WWOX: variants seen among roughly 807,000 people sequenced by gnomAD.
The protein encoded by WWOX is WW domain-containing oxidoreductase.
In WWOX, 69 loss-of-function variants were observed where a neutral mutation model predicts 46.2. That is an observed-to-expected ratio of 1.49 (90% CI 1.23 to 1.82). The LOEUF (loss-of-function observed/expected upper bound fraction) is 1.82, where lower values mean the gene tolerates loss of function less well. Among genes scored for constraint, WWOX ranks in the 40% most tolerant of loss-of-function variants. The probability of loss-of-function intolerance (pLI) is 0.00; values close to 1 mark genes in which losing one functional copy is unlikely to be tolerated. For missense variants in WWOX, 919 were observed against 542.6 expected (o/e 1.69, Z -6.89); for synonymous variants, 359 against 202.6 (o/e 1.77, Z -6.56).
chr16:78,633,834 C>A (rs1289051128), intron 8 of WWOX, among the ~76,000 whole-genome samples: 1 of 151,954 alleles, frequency 6.6e-6, no homozygotes, highest in Non-Finnish European at 1.5e-5. Context: ...GGATTGGGAC[C>A]TGTTTTCCTT....
At chr16:78,878,415 C>T (rs976102443) in intron 8 of WWOX, among the ~76,000 whole-genome samples, 2 of 152,140 alleles carry the variant, frequency 1.3e-5, no homozygotes, top group Non-Finnish European at 2.9e-5. Context: ...CTCTCTAAGC[C>T]TCAGTTTATT....
chr16:78,217,271 G>A lies in WWOX; in HGVS notation c.516+52982G>A, dbSNP rs937810059. On this transcript the variant is annotated intron_variant, in intron 5 of 8. Transcript: ENST00000566780. ...TTCTCCTGCCTGCCTTGCAGGATAT[G>A]TGGAGTTATCAGTTCCTAGCACCAC... Among the ~76,000 whole-genome samples, 9 of 152,326 alleles carry A rather than the reference G, an allele frequency of 5.9e-5. 1 individual carries two copies. The highest frequency in any genetic ancestry group is 5.9e-4 in the Admixed American group (9 of 15,306).
At position 78,705,965 on chromosome 16, in the gene WWOX, C is replaced by T. The variant is rs1344958882; in HGVS notation, c.1056+273213C>T. On this transcript the variant is annotated intron_variant, in intron 8 of 8. Coordinates refer to ENST00000566780, the MANE Select transcript of WWOX (RefSeq NM_016373.4). Reference sequence around the variant, plus strand: ...TTGAGTGTGGAACGTGGTTTAGATGCTGTGCGTACAGCAGTGACTCAGATA... The same window carrying T: ...TTGAGTGTGGAACGTGGTTTAGATGTTGTGCGTACAGCAGTGACTCAGATA... Among the ~76,000 whole-genome samples, 6 of 151,260 alleles carry T rather than the reference C, an allele frequency of 4.0e-5. No homozygotes were observed. In the East Asian group the frequency reaches 1.2e-3, roughly 29 times the overall value.
At chr16:78,269,914 G>GTTTTGTTT (rs2079440381) in intron 5 of WWOX, among the ~76,000 whole-genome samples, 3 of 125,692 alleles carry the variant, frequency 2.4e-5, no homozygotes, top group African/African-American at 6.3e-5. Context: ...ACATAAGGAA[G>GTTTTGTTT]TTTTTTTTTT....
At chr16:78,751,771 AAGG>A (rs1239905905) in intron 8 of WWOX, among the ~76,000 whole-genome samples, 2 of 151,474 alleles carry the variant, frequency 1.3e-5, no homozygotes, top group Non-Finnish European at 1.5e-5. Context: ...GGAAGGGAAG[AAGG>A]AGGGAGGGAG....
chr16:78,948,930 T>G (rs897937194), intron 8 of WWOX, among the ~76,000 whole-genome samples: 1 of 151,870 alleles, frequency 6.6e-6, no homozygotes, highest in East Asian at 1.9e-4. Flanking sequence ...TGGCAGAGGG[T>G]AGGCAGAGAG....
intron 8 of WWOX, among the ~76,000 whole-genome samples, chr16:78,736,862 G>A (rs895336832): frequency 6.6e-6 from 1 of 152,106 alleles, no homozygotes; most frequent in African/African-American, 2.4e-5. Flanking sequence ...CCCTGCCTCA[G>A]AATCCCAAAG....
In WWOX at chr16:79,011,900, C is replaced by T. The variant is rs150667256; in HGVS notation, c.1057-199708C>T. Among the ~76,000 whole-genome samples, 264 of 152,142 alleles carry T rather than the reference C, an allele frequency of 1.7e-3. 7 individuals are homozygous for T. The East Asian group carries it at 0.042, about 24-fold the overall frequency. ...AACTCATGGCCTCCAGTGATCCTCC[C>T]GCCTCAGCCTCCTGAGTCACTGGAA... On this transcript the variant is annotated intron_variant, in intron 8 of 8. Coordinates refer to ENST00000566780, the MANE Select transcript of WWOX (RefSeq NM_016373.4).
At chr16:78,961,389 T>C (rs1223320863) in intron 8 of WWOX, among the ~76,000 whole-genome samples, 1 of 152,204 alleles carries the variant, frequency 6.6e-6, no homozygotes, top group East Asian at 1.9e-4. Flanking sequence ...TTGCAGTTTG[T>C]GGCATGGCAC....
chr16:78,562,271 A>C (rs373758300), intron 8 of WWOX, among the ~76,000 whole-genome samples: 1 of 152,198 alleles, frequency 6.6e-6, no homozygotes, highest in Non-Finnish European at 1.5e-5. Context: ...CTCACACTGC[A>C]TGCAGAATTC....
intron 8 of WWOX, among the ~76,000 whole-genome samples, chr16:78,788,762 C>A (rs1413642967): frequency 6.6e-6 from 1 of 152,132 alleles, no homozygotes; most frequent in Non-Finnish European, 1.5e-5. Flanking sequence ...ACCTGAAGCC[C>A]CTCAGCCAGA....
chr16:78,328,423 A>G (rs571085410), intron 5 of WWOX, among the ~76,000 whole-genome samples: 9 of 152,340 alleles, frequency 5.9e-5, no homozygotes, highest in African/African-American at 2.2e-4. Context: ...TTAGATGAAG[A>G]ATCATAGATT....
chr16:79,079,272 T>C (rs1450292556), intron 8 of WWOX, among the ~76,000 whole-genome samples: 2 of 152,220 alleles, frequency 1.3e-5, no homozygotes, highest in Non-Finnish European at 2.9e-5. Context: ...TTAATCACCT[T>C]AGCCCATAAG....
chr16:78,393,929 A>G (rs2082232134), intron 6 of WWOX, among the ~76,000 whole-genome samples: 1 of 152,148 alleles, frequency 6.6e-6, no homozygotes, highest in African/African-American at 2.4e-5. Flanking sequence ...ATCTTTAACA[A>G]GTTTATTTAT....
At chr16:78,409,925 G>A (rs1313591253) in intron 6 of WWOX, among the ~76,000 whole-genome samples, 1 of 152,168 alleles carries the variant, frequency 6.6e-6, no homozygotes, top group African/African-American at 2.4e-5. Flanking sequence ...TCTAGCATGA[G>A]CTCCCTGTCT....
intron 8 of WWOX, among the ~76,000 whole-genome samples, chr16:78,843,660 A>G (rs889330107): frequency 1.5e-5 from 2 of 132,740 alleles, no homozygotes; most frequent in African/African-American, 5.0e-5. Context: ...GAGGAGCAAA[A>G]TAATTCATTC....
At chr16:79,141,267 C>G (rs2050084083) in intron 8 of WWOX, among the ~76,000 whole-genome samples, 1 of 152,154 alleles carries the variant, frequency 6.6e-6, no homozygotes, top group Admixed American at 6.5e-5. Context: ...TCTGAGTTGT[C>G]CCACCTTTCC....
intron 5 of WWOX, chr16:78,264,959 C>CCTCCCCTCCCCTTT (rs1567466843): frequency 4.2e-5 from 5 of 118,470 alleles, no homozygotes; most frequent in African/African-American, 1.6e-4. Flanking sequence ...CCCTCCCCTT[C>CCTCCCCTCCCCTTT]CCTCCCCTCC....
At chr16:78,695,028 C>T (rs2048069554) in intron 8 of WWOX, among the ~76,000 whole-genome samples, 1 of 152,110 alleles carries the variant, frequency 6.6e-6, no homozygotes, top group African/African-American at 2.4e-5. Context: ...AAGCAAGCTG[C>T]TTCTTTCAAA....
Sources: gnomAD v4.1 joint callset for allele counts (sites outside exome capture counted in the v4.1 genomes callset) on GRCh38, gnomAD v4.1.1 for gene constraint, MANE v1.5 for transcripts, NCBI Gene and HGNC (gene_info 2026-07-23, HGNC 2026-07-21) for gene names.